PZP: variants seen among roughly 807,000 people sequenced by gnomAD.
PZP encodes PZP alpha-2-macroglobulin like.
A neutral mutation model predicts 179.8 loss-of-function variants in PZP; 150 were observed. That is an observed-to-expected ratio of 0.83 (90% CI 0.73 to 0.96). The LOEUF (loss-of-function observed/expected upper bound fraction) is 0.96. PZP is among the 40% of genes least tolerant of loss of function. The pLI is 0.00. For synonymous variants in PZP, 624 were observed against 652.3 expected (o/e 0.96, Z 0.66); for missense variants, 1,689 against 1,764.0 (o/e 0.96, Z 0.76).
chr12:9,187,339 G>A lies in PZP; in HGVS notation c.1546+4854C>T, dbSNP rs747110849. Among the ~76,000 whole-genome samples the A allele has an allele frequency of 7.2e-5, 11 of 152,206 alleles. No individual in the cohort carries two copies. The East Asian group carries it at 2.1e-3, about 29-fold the overall frequency. On this transcript the variant is annotated intron_variant, in intron 13 of 35. Coordinates refer to ENST00000261336, the MANE Select transcript of PZP (RefSeq NM_002864.3). ...GCACAGGACCCAAATGGATCTGATA[G>A]ACATCTACAAAACTATCCACTACAA...
At position 9,152,915 on chromosome 12, in the gene PZP, C is replaced by T. The variant is rs1220035069; in HGVS notation, c.4030G>A (p.Asp1344Asn). The T allele has an allele frequency of 6.2e-7, 1 of 1,614,086 alleles. No homozygotes were observed. Among genetic ancestry groups the T allele is most frequent in the East Asian group, 2.2e-5 (1 of 44,870 alleles). Residue 1344 changes from aspartate to asparagine, a missense_variant, in exon 31 of 36, where the codon GAC becomes AAC. This residue lies in a region of PZP where 746 missense variants were observed against 749.2 expected (regional missense o/e 1.00). Coordinates refer to ENST00000261336, the MANE Select transcript of PZP (RefSeq NM_002864.3). ...TGCACTTTTAAAGCAAATGGGGAGT[C>T]CTCTTTCTCTGGAAGAATATTGTAT... ...MKYNILPEKE[D>N]SPFALKVQTV...
chr12:9,160,552 A>G, intron 23 of PZP, 62 bp from the exon 24 acceptor site: 7 of 1,477,280 alleles, frequency 4.7e-6, no homozygotes, highest in Non-Finnish European at 6.5e-6. Context: ...CAACATTATT[A>G]ACAAAAATGG....
At chr12:9,202,978 T>C (rs1944251611) in intron 2 of PZP, among the ~76,000 whole-genome samples, 1 of 152,174 alleles carries the variant, frequency 6.6e-6, no homozygotes, top group African/African-American at 2.4e-5. Context: ...GAAACATCTC[T>C]GAAAAAATAT....
At position 9,192,324 on chromosome 12, in the gene PZP, A is replaced by G. The variant is rs927593260; in HGVS notation, c.1483-68T>C. 4.1e-5 allele frequency: 60 copies of G among 1,477,326 alleles called. No homozygotes were observed. In the East Asian group the frequency reaches 1.3e-3, roughly 33 times the overall value. The allele number at this position is 1,477,326 out of a possible 1,614,324, so 91.5% of individuals were successfully genotyped here. Reference sequence around the variant, plus strand: ...CAGTTCTCAGCCTTCTATTCCCCACATGACCCACTTTCAGTTGTCAAGTCT... The same window carrying G: ...CAGTTCTCAGCCTTCTATTCCCCACGTGACCCACTTTCAGTTGTCAAGTCT... On this transcript the variant is annotated intron_variant, in intron 12 of 35. Coordinates refer to ENST00000261336, the MANE Select transcript of PZP (RefSeq NM_002864.3).
intron 7 of PZP, among the ~76,000 whole-genome samples, chr12:9,199,944 A>T (rs1381240120): frequency 6.6e-6 from 1 of 152,196 alleles, no homozygotes; most frequent in Non-Finnish European, 1.5e-5. Context: ...GCTTTATGAG[A>T]CCATTTTTAG....
At chr12:9,173,094 A>G (rs1942108586) in intron 15 of PZP, among the ~76,000 whole-genome samples, 1 of 152,252 alleles carries the variant, frequency 6.6e-6, no homozygotes, top group Non-Finnish European at 1.5e-5. Context: ...ACTCCTCAGC[A>G]AATGCACAAG....
chr12:9,160,665 A>G (rs866264036), intron 23 of PZP, among the ~76,000 whole-genome samples, 175 bp from the exon 24 acceptor site: 3 of 152,216 alleles, frequency 2.0e-5, no homozygotes, highest in Middle Eastern at 3.2e-3. Flanking sequence ...CTGTAATCCC[A>G]GCACTTTGGG....
downstream of PZP, chr12:9,148,815 G>T (rs78923888): frequency 1.0e-3 from 649 of 626,052 alleles, 6 homozygotes; most frequent in East Asian, 0.017. Context: ...ATTAATGTCT[G>T]ATGAATGAAT....
chr12:9,205,476 C>G (rs949927685), intron 1 of PZP, among the ~76,000 whole-genome samples: 21 of 152,232 alleles, frequency 1.4e-4, no homozygotes, highest in African/African-American at 2.4e-4. Flanking sequence ...GCATGATACT[C>G]TCCATGTTCA....
intron 19 of PZP, 71 bp from the exon 20 acceptor site, chr12:9,164,330 C>A: frequency 1.3e-6 from 2 of 1,497,604 alleles, no homozygotes; most frequent in African/African-American, 1.4e-5. Flanking sequence ...AGAATTGGGG[C>A]CAAGTGTGAG....
chr12:9,206,097 C>T (rs1313853594), intron 1 of PZP, among the ~76,000 whole-genome samples: 2 of 152,150 alleles, frequency 1.3e-5, no homozygotes, highest in African/African-American at 4.8e-5. Flanking sequence ...TTCAGCTAGT[C>T]TCTTATGTCT....
intron 7 of PZP, among the ~76,000 whole-genome samples, chr12:9,198,891 G>A (rs953793851): frequency 2.0e-5 from 3 of 152,132 alleles, no homozygotes; most frequent in East Asian, 1.9e-4. Flanking sequence ...AGATCTAGGC[G>A]TTTTGGTGTT....
rs563349290 is a variant in PZP, at chr12:9,206,198, A to T, written c.83+2061T>A. ...ATAATAAAAATGTATCATTTTTTAC[A>T]TCCCCATCAAAAAATTTTTCCTTTA... On this transcript the variant is annotated intron_variant, in intron 1 of 35. Coordinates refer to ENST00000261336, the MANE Select transcript of PZP (RefSeq NM_002864.3). Among the ~76,000 whole-genome samples, 32 of 152,038 alleles carry T rather than the reference A, an allele frequency of 2.1e-4. No individual in the cohort carries two copies. In the South Asian group the frequency reaches 3.3e-3, roughly 16 times the overall value.
intron 10 of PZP, among the ~76,000 whole-genome samples, chr12:9,195,334 C>T (rs1565661557): frequency 6.6e-6 from 1 of 152,088 alleles, no homozygotes. Context: ...CTGCAACAAA[C>T]CAGCTAAGAA....
At chr12:9,147,121 G>T (rs1940051102), downstream of PZP, among the ~76,000 whole-genome samples, 2 of 152,156 alleles carry the variant, frequency 1.3e-5, no homozygotes, top group South Asian at 4.1e-4. Context: ...AAAAGTTAGG[G>T]CATTAGACAC....
At chr12:9,193,509 G>A (rs1305464113) in intron 11 of PZP, among the ~76,000 whole-genome samples, 1 of 152,066 alleles carries the variant, frequency 6.6e-6, no homozygotes, top group African/African-American at 2.4e-5. Flanking sequence ...GGGAGAGTGA[G>A]TGTCTATCAC....
intron 24 of PZP, 27 bp from the exon 25 acceptor site, chr12:9,160,052 A>G: frequency 6.3e-7 from 1 of 1,587,932 alleles, no homozygotes; most frequent in South Asian, 1.1e-5. Flanking sequence ...CAGATTGTTC[A>G]TGAAGCATTA....
Position 9,152,444 on chromosome 12 carries a change from T to A in PZP, c.4122-134A>T, listed in dbSNP as rs140378408. 7.9e-4 allele frequency: 541 copies of A among 680,518 alleles called. 3 individuals carry two copies. In the African/African-American group the frequency reaches 8.0e-3, roughly 10 times the overall value. The allele number at this position is 680,518 out of a possible 1,614,324, so 42.2% of individuals were successfully genotyped here. ...ATATTCTACAAAGGTCTGTGTTCCCTGGACTTGTGCAACACTGACATTGGA... is the reference window on the plus strand; with the variant it reads ...ATATTCTACAAAGGTCTGTGTTCCCAGGACTTGTGCAACACTGACATTGGA... On this transcript the variant is annotated intron_variant, in intron 31 of 35. Transcript: ENST00000261336.
At position 9,200,636 on chromosome 12, in the gene PZP, C is replaced by T. The variant is rs76041122; in HGVS notation, c.671-188G>A. Among the ~76,000 whole-genome samples, 693 of 152,228 alleles carry T rather than the reference C, an allele frequency of 4.6e-3. 3 individuals are homozygous for T. The highest frequency in any genetic ancestry group is 0.016 in the African/African-American group (664 of 41,526). The stretch of plus-strand genomic sequence containing the variant: ...AATCTAACTGACTTCTTGAGCACAG[C>T]GGGTCTCAGTGACGTTAACAAATGA... On this transcript the variant is annotated intron_variant, in intron 6 of 35. Coordinates refer to ENST00000261336, the MANE Select transcript of PZP (RefSeq NM_002864.3).
Sources: gnomAD v4.1 joint callset for allele counts (sites outside exome capture counted in the v4.1 genomes callset) on GRCh38, gnomAD v4.1.1 for gene constraint, gnomAD v4.1.1 regional missense constraint, MANE v1.5 for transcripts, NCBI Gene and HGNC (gene_info 2026-07-23, HGNC 2026-07-21) for gene names.